Variants in CENPE observed in about 807,000 individuals in gnomAD.
CENPE encodes centromere protein E, also known as centromere-associated protein E.
CENPE carries 145 observed loss-of-function variants against 336.1 expected under a neutral mutation model. The ratio of observed to expected loss-of-function variants is 0.43; its 90% confidence interval spans 0.38 to 0.50. CENPE has a LOEUF of 0.50. CENPE is among the 20% of genes least tolerant of loss of function. The pLI is 0.00. For missense variants in CENPE, 2,719 were observed against 3,023.3 expected (o/e 0.90, Z 2.36); for synonymous variants, 1,013 against 984.8 (o/e 1.03, Z -0.54).
chr4:103,147,340 A>G lies in CENPE; in HGVS notation c.4134+16T>C. 6.3e-7 allele frequency: 1 copy of G among 1,580,492 alleles called. No homozygotes were observed. The highest frequency in any genetic ancestry group is 1.2e-5 in the South Asian group (1 of 84,814). ...ATAAGACACTTGTTAAAATGGGAGG[A>G]AAATACGAAACTTACTTTAGCCAAA... On this transcript the variant is annotated intron_variant, in intron 29 of 48. Coordinates refer to ENST00000265148, the MANE Select transcript of CENPE (RefSeq NM_001813.3).
intron 42 of CENPE, among the ~76,000 whole-genome samples, chr4:103,126,582 AT>A (rs1195717296): frequency 6.6e-6 from 1 of 152,272 alleles, no homozygotes; most frequent in Non-Finnish European, 1.5e-5. Flanking sequence ...AAGAGACTGA[AT>A]AAGCATCAGA....
intron 33 of CENPE, among the ~76,000 whole-genome samples, 200 bp from the exon 34 acceptor site, chr4:103,143,606 C>G (rs1337000760): frequency 9.3e-6 from 1 of 108,032 alleles, no homozygotes; most frequent in Non-Finnish European, 2.3e-5. Flanking sequence ...GGACACTTCA[C>G]CCTTCAAATC....
At chr4:103,120,050 G>A in intron 44 of CENPE, 98 bp downstream of exon 44, 1 of 826,848 alleles carries the variant, frequency 1.2e-6, no homozygotes, top group Non-Finnish European at 1.9e-6. Flanking sequence ...ACAGTAAGTT[G>A]TTGTGAGAGG....
rs553625313 is a variant in CENPE, at chr4:103,122,278, C to T, written c.7143+593G>A. Among the ~76,000 whole-genome samples the T allele has an allele frequency of 2.0e-5, 3 of 152,244 alleles. No individual in the cohort carries two copies. In the South Asian group the frequency reaches 6.2e-4, roughly 32 times the overall value. On this transcript the variant is annotated intron_variant, in intron 43 of 48. Transcript: ENST00000265148. ...TTGTAATTTACTATTGGGTTCCCTA[C>T]AAGTCGTTTTGTGTGCTAACAAAAT...
At position 103,138,379 on chromosome 4, in the gene CENPE, C is replaced by T. The variant is rs746432955; in HGVS notation, c.6275G>A (p.Ser2092Asn). 12 of 1,613,266 alleles carry T rather than the reference C, an allele frequency of 7.4e-6. No individual in the cohort carries two copies. The highest frequency in any genetic ancestry group is 4.5e-5 in the East Asian group (2 of 44,852). Residue 2092 changes from serine to asparagine, a missense_variant, in exon 39 of 49, where the codon AGC becomes AAC. This residue lies in a region of CENPE where 2,437 missense variants were observed against 2,513.3 expected (regional missense o/e 0.97). Transcript: ENST00000265148. ...TATTCTAGAGCACTTTTCTCTCAGG[C>T]TTTCCGTAAGGTGCTGTTGTCCATC... is the stretch of plus-strand genomic sequence containing the variant. ...LSDGQQHLTESLREKCSRIKE... is the reference protein window; with the variant it reads ...LSDGQQHLTENLREKCSRIKE...
intron 42 of CENPE, among the ~76,000 whole-genome samples, chr4:103,131,259 A>G (rs926524084): frequency 2.0e-5 from 3 of 152,198 alleles, no homozygotes; most frequent in African/African-American, 7.2e-5. Flanking sequence ...AAAACAAATA[A>G]CCTGACTAAA....
intron 46 of CENPE, among the ~76,000 whole-genome samples, 199 bp from the exon 47 acceptor site, chr4:103,111,210 A>G (rs2125833159): frequency 6.6e-6 from 1 of 152,308 alleles, no homozygotes; most frequent in Admixed American, 6.5e-5. Context: ...CTATGCCTCT[A>G]GAATCCCCCT....
intron 11 of CENPE, 184 bp from the exon 12 acceptor site, chr4:103,181,640 T>C: frequency 2.4e-6 from 1 of 421,808 alleles, no homozygotes; most frequent in Non-Finnish European, 4.2e-6. Context: ...TTATCCTGGG[T>C]GATAGTCTTC....
chr4:103,189,155 T>C (rs1757068978), intron 8 of CENPE, among the ~76,000 whole-genome samples: 2 of 152,138 alleles, frequency 1.3e-5, no homozygotes, highest in Admixed American at 6.5e-5. Flanking sequence ...ATTAACAGCC[T>C]ACCAACCAAA....
chr4:103,151,649 C>G (rs1301032476), intron 25 of CENPE, among the ~76,000 whole-genome samples: 2 of 152,156 alleles, frequency 1.3e-5, no homozygotes, highest in Non-Finnish European at 2.9e-5. Context: ...TAGCTTATTT[C>G]TACCTTTAAG....
chr4:103,163,009 A>T, intron 18 of CENPE, 128 bp downstream of exon 18: 1 of 651,426 alleles, frequency 1.5e-6, no homozygotes, highest in Non-Finnish European at 2.4e-6. Context: ...TGACAGATTT[A>T]ATGAAATATA....
intron 16 of CENPE, among the ~76,000 whole-genome samples, chr4:103,166,133 GTTA>G (rs1364612815): frequency 1.3e-5 from 2 of 152,198 alleles, no homozygotes; most frequent in East Asian, 3.9e-4. Flanking sequence ...TTTATGTCAT[GTTA>G]TTATCACATA....
Position 103,140,978 on chromosome 4 carries a change from T to C in CENPE, c.5590A>G (p.Ser1864Gly). Residue 1864 changes from serine (S) to glycine (G), a missense_variant, in exon 36 of 49, where the codon AGT (serine) becomes GGT (glycine). By Grantham distance (56) the Ser-to-Gly change is moderately conservative (BLOSUM62 0). This residue lies in a region of CENPE where 2,437 missense variants were observed against 2,513.3 expected (regional missense o/e 0.97). Coordinates refer to ENST00000265148, the MANE Select transcript of CENPE (RefSeq NM_001813.3). ...KQIKDQSLTL[S>G]KLEIENLNLA... is the part of the protein sequence containing the mutation. Reference sequence around the variant, plus strand: ...TTTAAATTCTCTATTTCTAATTTACTCAGAGTTAAGCTTTGGTCTTTTATT... The same window carrying C: ...TTTAAATTCTCTATTTCTAATTTACCCAGAGTTAAGCTTTGGTCTTTTATT... 6.2e-7 allele frequency: 1 copy of C among 1,612,422 alleles called. No homozygotes were observed. Among genetic ancestry groups the C allele is most frequent in the Non-Finnish European group, 8.5e-7 (1 of 1,178,770 alleles).
At chr4:103,150,171 C>G (rs1753418540) in intron 26 of CENPE, among the ~76,000 whole-genome samples, 2 of 152,148 alleles carry the variant, frequency 1.3e-5, no homozygotes, top group Admixed American at 1.3e-4. Flanking sequence ...GAGACATTAA[C>G]CTTCACAGGC....
chr4:103,160,214 C>T (rs2615538), intron 21 of CENPE, among the ~76,000 whole-genome samples: 24,159 of 151,764 alleles, frequency 0.16, 2,329 homozygotes, highest in Non-Finnish European at 0.2. Flanking sequence ...CACCAGCCTG[C>T]AAGGTTTGCA....
At chr4:103,157,380 G>T (rs1006318180) in intron 24 of CENPE, among the ~76,000 whole-genome samples, 2 of 151,916 alleles carry the variant, frequency 1.3e-5, no homozygotes, top group Non-Finnish European at 2.9e-5. Flanking sequence ...GCAAACTGTG[G>T]CATATACATA....
At chr4:103,132,656 G>T in intron 42 of CENPE, 37 bp downstream of exon 42, 1 of 1,094,478 alleles carries the variant, frequency 9.1e-7, no homozygotes, top group Non-Finnish European at 1.3e-6. Flanking sequence ...AAAGCAAACA[G>T]CAACAAAAAA....
intron 42 of CENPE, among the ~76,000 whole-genome samples, chr4:103,130,387 T>C (rs1751482063): frequency 6.6e-6 from 1 of 152,184 alleles, no homozygotes; most frequent in Non-Finnish European, 1.5e-5. Context: ...TTTACAAGTG[T>C]AATTTGAAAT....
At chr4:103,187,635 G>A (rs981776881) in intron 8 of CENPE, among the ~76,000 whole-genome samples, 4 of 146,966 alleles carry the variant, frequency 2.7e-5, no homozygotes, top group Non-Finnish European at 4.4e-5. Flanking sequence ...CCTTACAAGA[G>A]CTCCTGAAGG....
Sources: allele counts gnomAD v4.1 joint callset (sites outside exome capture counted in the v4.1 genomes callset), GRCh38; gene constraint gnomAD v4.1.1; regional missense constraint gnomAD v4.1.1; transcripts MANE v1.5; gene names NCBI Gene and HGNC (gene_info 2026-07-23, HGNC 2026-07-21).